Variants in CCSER1 observed in about 807,000 individuals in gnomAD.
CCSER1 encodes coiled-coil serine rich protein 1, also known as serine-rich coiled-coil domain-containing protein 1.
Under a neutral mutation model 82.0 loss-of-function variants are expected in CCSER1, and 41 were observed. That is an observed-to-expected ratio of 0.50 (90% confidence interval 0.39 to 0.65). The LOEUF is 0.65. Among genes scored for constraint, CCSER1 ranks in the 30% least tolerant of loss-of-function variants. The pLI, the probability that CCSER1 is intolerant of heterozygous loss-of-function variation, is 0.00. For missense variants in CCSER1, 1,119 were observed against 1,064.2 expected (o/e 1.05, Z -0.72); for synonymous variants, 414 against 383.9 (o/e 1.08, Z -0.92).
At chr4:90,491,423 C>T (rs763707917) in intron 5 of CCSER1, among the ~76,000 whole-genome samples, 8 of 152,224 alleles carry the variant, frequency 5.3e-5, no homozygotes, top group African/African-American at 7.2e-5. Flanking sequence ...TGGCCTGAGA[C>T]GATGGGGTTT....
chr4:91,578,693 C>G (rs930529237), intron 10 of CCSER1, among the ~76,000 whole-genome samples: 2 of 151,930 alleles, frequency 1.3e-5, no homozygotes, highest in Non-Finnish European at 2.9e-5. Flanking sequence ...GCTTAATACA[C>G]TTTGGAATAT....
chr4:91,519,020 G>T (rs2110135103), intron 10 of CCSER1, among the ~76,000 whole-genome samples: 1 of 152,292 alleles, frequency 6.6e-6, no homozygotes, highest in Admixed American at 6.5e-5. Context: ...TAGTTAGAGT[G>T]GTACCACTGC....
At chr4:90,185,828 G>A (rs1213620162) in intron 1 of CCSER1, among the ~76,000 whole-genome samples, 5 of 151,938 alleles carry the variant, frequency 3.3e-5, no homozygotes, top group African/African-American at 1.2e-4. Context: ...AAGGAAGTGA[G>A]GCATTATTAT....
At chr4:90,955,244 G>T (rs1235504249) in intron 9 of CCSER1, among the ~76,000 whole-genome samples, 1 of 152,162 alleles carries the variant, frequency 6.6e-6, no homozygotes, top group Non-Finnish European at 1.5e-5. Flanking sequence ...CCCTATGAAT[G>T]AAGGATATCA....
chr4:90,879,204 T>C (rs893627995), intron 8 of CCSER1, among the ~76,000 whole-genome samples: 2 of 152,222 alleles, frequency 1.3e-5, no homozygotes, highest in African/African-American at 4.8e-5. Context: ...TTTATTCTGC[T>C]GTTAATACTT....
At chr4:91,295,554 TA>T (rs1421347737) in intron 10 of CCSER1, among the ~76,000 whole-genome samples, 1 of 151,960 alleles carries the variant, frequency 6.6e-6, no homozygotes, top group Non-Finnish European at 1.5e-5. Context: ...TTTGAAAAAT[TA>T]AAATATCAAT....
At chr4:91,540,155 C>T (rs1276035561) in intron 10 of CCSER1, among the ~76,000 whole-genome samples, 3 of 152,054 alleles carry the variant, frequency 2.0e-5, no homozygotes, top group Non-Finnish European at 4.4e-5. Context: ...GGTTCCTCTA[C>T]TAGCACAGCC....
At chr4:90,939,525 G>A (rs985314755) in intron 9 of CCSER1, among the ~76,000 whole-genome samples, 21 of 152,210 alleles carry the variant, frequency 1.4e-4, no homozygotes, top group Admixed American at 6.5e-4. Context: ...AAGGATAGGT[G>A]ACAGAGATAG....
intron 1 of CCSER1, among the ~76,000 whole-genome samples, chr4:90,220,893 T>C (rs1742022732): frequency 6.6e-6 from 1 of 152,156 alleles, no homozygotes; most frequent in Admixed American, 6.6e-5. Context: ...CTTATTCCCT[T>C]CTCCATTTTT....
intron 4 of CCSER1, among the ~76,000 whole-genome samples, chr4:90,417,923 G>C (rs549911286): frequency 2.0e-5 from 3 of 151,998 alleles, no homozygotes; most frequent in Non-Finnish European, 2.9e-5. Context: ...ATTTCTACAA[G>C]CTCTGATGTG....
At chr4:90,973,014 C>G (rs1218541579) in intron 9 of CCSER1, among the ~76,000 whole-genome samples, 1 of 151,642 alleles carries the variant, frequency 6.6e-6, no homozygotes, top group Non-Finnish European at 1.5e-5. Flanking sequence ...AAAGTCAACT[C>G]AAAGTGGATT....
At position 90,731,578 on chromosome 4, in the gene CCSER1, T is replaced by C. The variant is rs539854139; in HGVS notation, c.2010+7587T>C. Reference sequence around the variant, plus strand: ...GGTAAAAATAAAATTCTTTGAGGGATAGCTGATGAATTTTGAATATAAACC... The same window carrying C: ...GGTAAAAATAAAATTCTTTGAGGGACAGCTGATGAATTTTGAATATAAACC... On this transcript the variant is annotated intron_variant, in intron 7 of 10. Transcript: ENST00000509176. Among the ~76,000 whole-genome samples, 16 of 152,240 alleles carry C rather than the reference T, an allele frequency of 1.1e-4. 1 individual carries two copies. In the South Asian group the frequency reaches 2.7e-3, roughly 26 times the overall value.
At chr4:90,431,265 T>C (rs1299384718) in intron 4 of CCSER1, among the ~76,000 whole-genome samples, 3 of 152,066 alleles carry the variant, frequency 2.0e-5, no homozygotes, top group African/African-American at 7.2e-5. Context: ...TTACTTGAAA[T>C]CTCAGCTGTT....
chr4:90,271,862 ATTT>A (rs1176154331), intron 1 of CCSER1, among the ~76,000 whole-genome samples: 49 of 21,692 alleles, frequency 2.3e-3, no homozygotes, highest in South Asian at 8.5e-3. Flanking sequence ...ATATATATAT[ATTT>A]TTTTTTTTTT....
chr4:90,867,556 C>T (rs1289233146), intron 8 of CCSER1, among the ~76,000 whole-genome samples: 3 of 151,866 alleles, frequency 2.0e-5, no homozygotes, highest in East Asian at 1.9e-4. Flanking sequence ...CAATTATATT[C>T]TTTTAGTTAT....
chr4:91,157,466 T>G (rs1189880335), intron 10 of CCSER1, among the ~76,000 whole-genome samples: 1 of 151,996 alleles, frequency 6.6e-6, no homozygotes, highest in African/African-American at 2.4e-5. Context: ...TATCTTTCTT[T>G]TATTTTCTCT....
intron 10 of CCSER1, among the ~76,000 whole-genome samples, chr4:91,328,704 T>C (rs1488307347): frequency 2.6e-5 from 4 of 152,220 alleles, no homozygotes; most frequent in Admixed American, 2.6e-4. Context: ...AAAACACTTT[T>C]GGCACCTGGG....
intron 8 of CCSER1, among the ~76,000 whole-genome samples, chr4:90,843,363 G>T (rs1762804497): frequency 6.6e-6 from 1 of 152,096 alleles, no homozygotes. Flanking sequence ...TGTGGTTACA[G>T]GAGAAACTGG....
chr4:90,927,550 T>A (rs910205736), intron 9 of CCSER1, among the ~76,000 whole-genome samples: 1 of 152,038 alleles, frequency 6.6e-6, no homozygotes, highest in Non-Finnish European at 1.5e-5. Context: ...TGTTAATGGA[T>A]GCTCATACCA....
Sources: allele counts gnomAD v4.1 joint callset (sites outside exome capture counted in the v4.1 genomes callset), GRCh38; gene constraint gnomAD v4.1.1; transcripts MANE v1.5; gene names NCBI Gene and HGNC (gene_info 2026-07-23, HGNC 2026-07-21).